MCM5: variants seen among roughly 807,000 people sequenced by gnomAD.
MCM5 encodes minichromosome maintenance complex component 5.
In MCM5, 46 loss-of-function variants were observed where a neutral mutation model predicts 79.9. The ratio of observed to expected loss-of-function variants is 0.58; its 90% CI spans 0.45 to 0.74. The LOEUF (loss-of-function observed/expected upper bound fraction) is 0.74, where lower values mean the gene tolerates loss of function less well. Among genes scored for constraint, MCM5 ranks in the 30% least tolerant of loss-of-function variants. The probability of loss-of-function intolerance (pLI) is 0.00; values close to 1 mark genes in which losing one functional copy is unlikely to be tolerated. For missense variants in MCM5, 883 were observed against 1,017.0 expected, an observed-to-expected ratio of 0.87 and a Z score of 1.79; for synonymous variants, 404 against 390.5, an observed-to-expected ratio of 1.03 and a Z score of -0.41.
At chr22:35,418,016 C>T (rs545110848) in intron 13 of MCM5, among the ~76,000 whole-genome samples, 160 bp downstream of exon 13, 12 of 152,198 alleles carry the variant, frequency 7.9e-5, no homozygotes, top group Non-Finnish European at 1.8e-4. Flanking sequence ...CCCTTCTAAC[C>T]TTGCGTAGCT....
chr22:35,415,889 C>G lies in MCM5; in HGVS notation c.1264C>G (p.Pro422Ala), dbSNP rs377044929. 3.4e-5 allele frequency: 55 copies of G among 1,614,004 alleles called. No individual in the cohort carries two copies. Among genetic ancestry groups the G allele is most frequent in the Non-Finnish European group, 2.6e-5 (31 of 1,180,042 alleles). The change falls in exon 10 of 17, where the codon CCT becomes GCT. Residue 422 changes from proline to alanine, a missense_variant. Physicochemically the swap from Pro to Ala is conservative, Grantham distance 27. Transcript: ENST00000216122. ...ACTGACAGCCTCGGTGATGAGGGAC[C>G]CTTCGTCCCGGAATTTCATCATGGA... ...AGLTASVMRD[P>A]SSRNFIMEGG...
chr22:35,438,606 C>CCCACATATTCATCCAT, the MCM5 span, among the ~76,000 whole-genome samples: 16 of 136,956 alleles, frequency 1.2e-4, no homozygotes, highest in Non-Finnish European at 1.9e-4. Flanking sequence ...CATCCACCCA[C>CCCACATATTCATCCAT]CCACATATTC....
the MCM5 span, among the ~76,000 whole-genome samples, chr22:35,435,927 G>A: frequency 2.0e-5 from 3 of 152,192 alleles, no homozygotes; most frequent in Non-Finnish European, 4.4e-5. Flanking sequence ...AGCACTTTGG[G>A]AGGCCGAGGC....
chr22:35,435,217 C>A, the MCM5 span, among the ~76,000 whole-genome samples: 1 of 152,164 alleles, frequency 6.6e-6, no homozygotes, highest in Non-Finnish European at 1.5e-5. Context: ...TGAATACAGG[C>A]CTCCCAATTT....
intron 6 of MCM5, 21 bp downstream of exon 6, chr22:35,408,584 G>C (rs1336164932): frequency 6.3e-7 from 1 of 1,597,076 alleles, no homozygotes; most frequent in African/African-American, 1.3e-5. Context: ...CGGGCTGGGA[G>C]GTGGGCATCT....
chr22:35,454,527 C>A, the MCM5 span, among the ~76,000 whole-genome samples: 3 of 152,244 alleles, frequency 2.0e-5, no homozygotes, highest in East Asian at 5.8e-4. Flanking sequence ...AGACATGACA[C>A]CCCACAGCCT....
rs778414820 is a variant in MCM5, at chr22:35,416,651, C to T, written c.1427C>T (p.Thr476Ile). The change falls in exon 12 of 17, where the codon ACC (threonine) becomes ATC (isoleucine). Residue 476 changes from threonine (T) to isoleucine (I), a missense_variant. Around this residue, in one of 3 missense-constraint regions of MCM5, gnomAD observed 426 missense variants for 482.3 expected, o/e 0.88. Coordinates refer to ENST00000216122, the MANE Select transcript of MCM5 (RefSeq NM_006739.4). ...TISIAKAGIT[T>I]TLNSRCSVLA... ...GTCGCCTGTTAGGCTGGGATCACCA[C>T]CACCCTGAACTCCCGCTGCTCCGTC... The T allele has an allele frequency of 1.2e-6, 2 of 1,613,842 alleles. No homozygotes were observed. Among genetic ancestry groups the T allele is most frequent in the South Asian group, 2.2e-5 (2 of 91,070 alleles).
At chr22:35,443,981 T>A in the MCM5 span, among the ~76,000 whole-genome samples, 1 of 152,176 alleles carries the variant, frequency 6.6e-6, no homozygotes, top group Non-Finnish European at 1.5e-5. Context: ...TTTCCTTATC[T>A]GTAAAATGGG....
the MCM5 span, among the ~76,000 whole-genome samples, chr22:35,448,560 C>G: frequency 6.6e-6 from 1 of 152,164 alleles, no homozygotes; most frequent in African/African-American, 2.4e-5. Context: ...CATCAGACCC[C>G]GAGGATGCAA....
intron 7 of MCM5, among the ~76,000 whole-genome samples, chr22:35,411,995 T>C (rs1370373560): frequency 6.6e-6 from 1 of 152,014 alleles, no homozygotes; most frequent in Non-Finnish European, 1.5e-5. Flanking sequence ...TTTTCTCTCA[T>C]CCCCCACATC....
At chr22:35,441,953 G>C in the MCM5 span, among the ~76,000 whole-genome samples, 1 of 152,076 alleles carries the variant, frequency 6.6e-6, no homozygotes, top group African/African-American at 2.4e-5. Flanking sequence ...CCATTGGCCA[G>C]CCTGCGTGTT....
At chr22:35,416,240 G>A in intron 10 of MCM5, 99 bp from the exon 11 acceptor site, 1 of 1,198,174 alleles carries the variant, frequency 8.3e-7, no homozygotes, top group South Asian at 1.3e-5. Flanking sequence ...CGTGGAGCTG[G>A]TATTCAGGAG....
At chr22:35,428,590 A>G (rs189811403), downstream of MCM5, among the ~76,000 whole-genome samples, 3 of 152,202 alleles carry the variant, frequency 2.0e-5, no homozygotes, top group Admixed American at 6.5e-5. Context: ...AAAACCTACT[A>G]TTGACGTATG....
In MCM5 at chr22:35,419,961, G is replaced by C; in HGVS notation, c.1781G>C (p.Arg594Pro). 6.2e-7 allele frequency: 1 copy of C among 1,613,094 alleles called. No homozygotes were observed. Among genetic ancestry groups the C allele is most frequent in the Non-Finnish European group, 8.5e-7 (1 of 1,179,650 alleles). Residue 594 changes from arginine to proline, a missense_variant, in exon 14 of 17, where the codon CGT (arginine) becomes CCT (proline). Around this residue, in one of 3 missense-constraint regions of MCM5, gnomAD observed 426 missense variants for 482.3 expected, o/e 0.88. Coordinates refer to ENST00000216122, the MANE Select transcript of MCM5 (RefSeq NM_006739.4). ...TACATCATCATGCGGAGCGGGGCCC[G>C]TCAGCACGAGAGGGACAGTGACCGC... ...NRYIIMRSGA[R>P]QHERDSDRRS...
chr22:35,437,603 C>T, the MCM5 span, among the ~76,000 whole-genome samples: 1 of 152,156 alleles, frequency 6.6e-6, no homozygotes, highest in South Asian at 2.1e-4. Context: ...GGGTCGGGCT[C>T]CTGACCTTGT....
At chr22:35,438,328 T>C in the MCM5 span, among the ~76,000 whole-genome samples, 22 of 134,956 alleles carry the variant, frequency 1.6e-4, no homozygotes, top group East Asian at 2.1e-3. Flanking sequence ...TCCGTCCATC[T>C]ATCCATCCAT....
the MCM5 span, among the ~76,000 whole-genome samples, chr22:35,437,161 G>A: frequency 6.6e-6 from 1 of 152,230 alleles, no homozygotes; most frequent in Non-Finnish European, 1.5e-5. Context: ...CCATGGCTGG[G>A]AATTGACCAG....
rs1273392225 is a variant in MCM5, at chr22:35,403,424, C to T, written c.305C>T (p.Ala102Val). 2 of 1,614,070 alleles carry T rather than the reference C, an allele frequency of 1.2e-6. No individual in the cohort carries two copies. Among genetic ancestry groups the T allele is most frequent in the Non-Finnish European group, 1.7e-6 (2 of 1,180,046 alleles). Residue 102 changes from alanine (A) to valine (V), a missense_variant, in exon 4 of 17, where the codon GCT becomes GTT. By Grantham distance (64) the Ala-to-Val change is moderately conservative. This residue lies in a region of MCM5 where 455 missense variants were observed against 517.5 expected (regional missense o/e 0.88). Transcript: ENST00000216122. ...PAEHLQLLEE[A>V]AKEVADEVTR... ...CTTCCCTTTCTCCAGCTGGAGGAAGCTGCCAAGGAGGTAGCTGATGAGGTG... is the reference window on the plus strand; with the variant it reads ...CTTCCCTTTCTCCAGCTGGAGGAAGTTGCCAAGGAGGTAGCTGATGAGGTG...
At chr22:35,405,556 G>T (rs981115139) in intron 4 of MCM5, among the ~76,000 whole-genome samples, 5 of 151,406 alleles carry the variant, frequency 3.3e-5, no homozygotes, top group African/African-American at 1.2e-4. Context: ...TAGTAGAGAC[G>T]GGGATTCACC....
Sources: gnomAD v4.1 joint callset for allele counts (sites outside exome capture counted in the v4.1 genomes callset) on GRCh38, gnomAD v4.1.1 for gene constraint, gnomAD v4.1.1 regional missense constraint, MANE v1.5 for transcripts, NCBI Gene and HGNC (gene_info 2026-07-23, HGNC 2026-07-21) for gene names.